Variants in ZC3H12B observed in about 807,000 individuals in gnomAD.
ZC3H12B encodes zinc finger CCCH-type containing 12B.
Under a neutral mutation model 43.9 loss-of-function variants are expected in ZC3H12B, and 7 were observed. That is an observed-to-expected ratio of 0.16 (90% CI 0.09 to 0.30). The LOEUF is 0.30. ZC3H12B is among the 10% of genes least tolerant of loss of function. ZC3H12B has a pLI of 1.00. For missense variants in ZC3H12B, 475 were observed against 670.2 expected (o/e 0.71, Z 3.22); for synonymous variants, 222 against 241.7 (o/e 0.92, Z 0.76).
chrX:65,056,602 A>G, the ZC3H12B span, among the ~76,000 whole-genome samples: 1 of 111,714 alleles, frequency 9.0e-6, no homozygotes, highest in South Asian at 3.7e-4. Context: ...GATGTCTATT[A>G]GGTCCTCTTG....
the ZC3H12B span, among the ~76,000 whole-genome samples, chrX:65,134,727 G>T: frequency 5.4e-5 from 6 of 111,464 alleles, no homozygotes; most frequent in Non-Finnish European, 9.4e-5. Flanking sequence ...ACGTGCGTCC[G>T]TGTGAAGAGA....
At chrX:65,413,524 T>G (rs1426807439) in intron 3 of ZC3H12B, among the ~76,000 whole-genome samples, 1 of 112,199 alleles carries the variant, frequency 8.9e-6, no homozygotes, top group Non-Finnish European at 1.9e-5. Context: ...CTAACAGTAT[T>G]TGTTAAAACT....
chrX:65,272,616 C>T, the ZC3H12B span: 1 of 111,774 alleles, frequency 8.9e-6, no homozygotes, highest in African/African-American at 3.3e-5. Context: ...AAGCTAAATG[C>T]TCCATTTATG....
chrX:65,143,560 A>T, the ZC3H12B span, among the ~76,000 whole-genome samples: 4 of 105,039 alleles, frequency 3.8e-5, no homozygotes, highest in East Asian at 1.2e-3. Flanking sequence ...ATGGTGAATT[A>T]TCTTTTTTTT....
chrX:65,154,058 T>C, the ZC3H12B span, among the ~76,000 whole-genome samples: 8 of 109,967 alleles, frequency 7.3e-5, no homozygotes, highest in Admixed American at 3.9e-4. Flanking sequence ...GGAAGGGGAA[T>C]ATCACACTCT....
the ZC3H12B span, among the ~76,000 whole-genome samples, chrX:65,279,243 T>C: frequency 9.0e-6 from 1 of 110,660 alleles, no homozygotes; most frequent in Non-Finnish European, 1.9e-5. Flanking sequence ...GAAAAGTAAT[T>C]TCCACTCTCA....
the ZC3H12B span, among the ~76,000 whole-genome samples, chrX:65,350,858 TAGAA>T: frequency 8.9e-6 from 1 of 111,754 alleles, no homozygotes; most frequent in Middle Eastern, 4.2e-3. Context: ...TGCTCAAGGA[TAGAA>T]AGAATCAATA....
chrX:65,320,920 T>C, the ZC3H12B span, among the ~76,000 whole-genome samples: 1 of 112,348 alleles, frequency 8.9e-6, no homozygotes. Context: ...AAGACTTAAA[T>C]GTAAAACCAA....
intron 2 of ZC3H12B, among the ~76,000 whole-genome samples, chrX:65,376,039 G>A (rs1014520521): frequency 2.7e-5 from 3 of 112,047 alleles, no homozygotes; most frequent in Non-Finnish European, 3.8e-5. Flanking sequence ...ATTTCTGGAC[G>A]TGCCTTGGGC....
chrX:65,136,733 T>C, the ZC3H12B span, among the ~76,000 whole-genome samples: 1 of 111,728 alleles, frequency 9.0e-6, no homozygotes, highest in Non-Finnish European at 1.9e-5. Context: ...CTGTGTTGTC[T>C]CTCAACTCGT....
At chrX:65,290,325 C>CA in the ZC3H12B span, among the ~76,000 whole-genome samples, 1 of 109,441 alleles carries the variant, frequency 9.1e-6, no homozygotes, top group African/African-American at 3.3e-5. Context: ...AAACACAAAA[C>CA]AAAAACAAAA....
intron 2 of ZC3H12B, among the ~76,000 whole-genome samples, chrX:65,388,659 A>G (rs2066566186): frequency 9.0e-6 from 1 of 111,539 alleles, no homozygotes; most frequent in Admixed American, 9.5e-5. Flanking sequence ...GTCATTCTCC[A>G]TCCGGGTTTG....
At position 65,395,193 on chromosome X, in the gene ZC3H12B, C is replaced by G. The variant is rs764504630; in HGVS notation, n.296-3400C>G. Among the ~76,000 whole-genome samples, 5 of 111,534 alleles carry G rather than the reference C, an allele frequency of 4.5e-5. 1 individual carries two copies. Among genetic ancestry groups the G allele is most frequent in the African/African-American group, 1.6e-4 (5 of 30,695 alleles). The stretch of plus-strand genomic sequence containing the variant: ...CTTCCTCTCTTCCTATTTGAATACC[C>G]TTTATTTCTTTCTCTTGCCTGATTG... On this transcript the variant is annotated intron_variant and non_coding_transcript_variant, in intron 2 of 5. Coordinates refer to the ZC3H12B transcript ENST00000617377.
the ZC3H12B span, among the ~76,000 whole-genome samples, chrX:65,201,038 A>T: frequency 1.8e-5 from 2 of 111,805 alleles, no homozygotes; most frequent in Non-Finnish European, 3.8e-5. Flanking sequence ...TGGTATCAGG[A>T]TGATCCTGGC....
chrX:65,241,746 T>C, the ZC3H12B span, among the ~76,000 whole-genome samples: 1 of 111,988 alleles, frequency 8.9e-6, no homozygotes, highest in African/African-American at 3.2e-5. Flanking sequence ...TGTCAGGCAA[T>C]CTCCAGCCTG....
chrX:65,239,944 G>A, the ZC3H12B span, among the ~76,000 whole-genome samples: 2 of 111,237 alleles, frequency 1.8e-5, no homozygotes, highest in Admixed American at 1.9e-4. Flanking sequence ...TGAGAGCTCT[G>A]CTGTTATTCT....
At chrX:65,258,026 A>T in the ZC3H12B span, among the ~76,000 whole-genome samples, 1 of 111,754 alleles carries the variant, frequency 8.9e-6, no homozygotes, top group African/African-American at 3.3e-5. Context: ...ACTCCTCCCT[A>T]ACTCATTTTG....
At chrX:65,492,145 G>T (rs5964441) in intron 1 of ZC3H12B, among the ~76,000 whole-genome samples, 21,652 of 106,945 alleles carry the variant, frequency 0.2, 6,365 homozygotes, top group African/African-American at 0.75. Flanking sequence ...TTTTGTTTTG[G>T]TTTGGTTTGG....
the ZC3H12B span, among the ~76,000 whole-genome samples, chrX:65,331,923 G>T: frequency 2.2e-3 from 245 of 111,340 alleles, 1 homozygote; most frequent in African/African-American, 7.6e-3. Flanking sequence ...ATGACCAGAG[G>T]TCACTCTTGT....
Sources: gnomAD v4.1 joint callset for allele counts (sites outside exome capture counted in the v4.1 genomes callset) on GRCh38, gnomAD v4.1.1 for gene constraint, MANE v1.5 for transcripts, NCBI Gene and HGNC (gene_info 2026-07-23, HGNC 2026-07-21) for gene names.